The following MAP4K1 variants were observed in gnomAD, a reference collection of about 807,000 sequenced individuals.
MAP4K1 encodes the protein MAPK/ERK kinase kinase kinase 1.
A neutral mutation model predicts 122.8 loss-of-function variants in MAP4K1; 35 were observed. That is an observed-to-expected ratio of 0.29 (90% confidence interval 0.22 to 0.38). MAP4K1 has a LOEUF of 0.38. Ranked by LOEUF, MAP4K1 falls within the 10% of genes least tolerant of loss-of-function variation. The pLI, the probability that MAP4K1 is intolerant of heterozygous loss-of-function variation, is 1.00. For synonymous variants in MAP4K1, 412 were observed against 421.3 expected, an observed-to-expected ratio of 0.98 and a Z score of 0.27; for missense variants, 791 against 1,072.6, an observed-to-expected ratio of 0.74 and a Z score of 3.67.
intron 29 of MAP4K1, 30 bp downstream of exon 29, chr19:38,595,455 G>GTA (rs1460279621): frequency 6.2e-7 from 1 of 1,611,484 alleles, no homozygotes; most frequent in Non-Finnish European, 8.5e-7. Flanking sequence ...CTGGGGGGCA[G>GTA]TGATGTGGAG....
At chr19:38,608,254 T>TG (rs1975391263) in intron 13 of MAP4K1, 84 bp from the exon 14 acceptor site, 2 of 346,522 alleles carry the variant, frequency 5.8e-6, no homozygotes, top group African/African-American at 4.9e-5. Flanking sequence ...AGAGTAGAAT[T>TG]GGCGGGGGGG....
intron 30 of MAP4K1, among the ~76,000 whole-genome samples, chr19:38,590,134 A>T (rs553631532): frequency 6.6e-6 from 1 of 151,760 alleles, no homozygotes; most frequent in East Asian, 1.9e-4. Flanking sequence ...TAATGGGACA[A>T]ACTAGCATTG....
intron 19 of MAP4K1, among the ~76,000 whole-genome samples, chr19:38,604,244 G>A (rs911871264): frequency 1.3e-5 from 2 of 151,950 alleles, no homozygotes; most frequent in African/African-American, 4.8e-5. Flanking sequence ...ACGTGTGTAG[G>A]CATTATGCAT....
chr19:38,587,682 C>T lies in MAP4K1; in HGVS notation c.*66G>A. 1 of 1,251,970 alleles carries T rather than the reference C, an allele frequency of 8.0e-7. No homozygotes were observed. Among genetic ancestry groups the T allele is most frequent in the Non-Finnish European group, 1.2e-6 (1 of 852,126 alleles). 77.6% of individuals were successfully genotyped at this position (1,251,970 alleles called of 1,614,324 possible). A position where few individuals can be genotyped will look rare whatever the true frequency, so the allele number is the denominator to read the frequency against. On this transcript the variant is annotated 3_prime_UTR_variant, in exon 31 of 31. Transcript: ENST00000396857. ...TGTTTATTGGGAGATGAGGACATGC[C>T]ATGACCACTAGTGTGTCTATGGGGG... is the stretch of plus-strand genomic sequence containing the variant.
At position 38,614,232 on chromosome 19, in the gene MAP4K1, A is replaced by G. The variant is rs1376857506; in HGVS notation, c.417+13T>C. 5 of 1,611,702 alleles carry G rather than the reference A, an allele frequency of 3.1e-6. No homozygotes were observed. The South Asian group carries it at 5.5e-5, about 18-fold the overall frequency. ...CCCCACCCCCCAACAGCACCCCTAC[A>G]CCCCCAGACCACCTTGATGTCCCTG... is the stretch of plus-strand genomic sequence containing the variant. On this transcript the variant is annotated intron_variant, in intron 6 of 30. Transcript: ENST00000396857.
chr19:38,600,620 C>T (rs753032662), intron 20 of MAP4K1, among the ~76,000 whole-genome samples: 1 of 151,978 alleles, frequency 6.6e-6, no homozygotes, highest in Non-Finnish European at 1.5e-5. Context: ...CCCTTTCTGG[C>T]TGCATCCTAA....
chr19:38,602,821 T>A (rs768751493), intron 19 of MAP4K1, among the ~76,000 whole-genome samples: 2 of 149,140 alleles, frequency 1.3e-5, no homozygotes, highest in African/African-American at 4.9e-5. Flanking sequence ...TATATACACA[T>A]GTACATATAT....
chr19:38,602,266 G>A (rs2144715407), intron 19 of MAP4K1, among the ~76,000 whole-genome samples: 1 of 151,082 alleles, frequency 6.6e-6, no homozygotes, highest in Admixed American at 6.6e-5. Context: ...GTAGAGACAG[G>A]GTTTCGCCAT....
intron 8 of MAP4K1, 136 bp from the exon 9 acceptor site, chr19:38,612,878 G>A: frequency 1.1e-6 from 1 of 899,664 alleles, no homozygotes; most frequent in Non-Finnish European, 1.7e-6. Flanking sequence ...CAGGAGTAAA[G>A]ACAGACACAG....
chr19:38,596,291 G>T (rs1311067156), intron 26 of MAP4K1, 21 bp downstream of exon 26: 2 of 1,532,958 alleles, frequency 1.3e-6, no homozygotes, highest in South Asian at 2.5e-5. Flanking sequence ...CCCGCCCTCA[G>T]CAAGACTCCG....
At chr19:38,606,253 G>A (rs963028941) in intron 16 of MAP4K1, 38 bp from the exon 17 acceptor site, 4 of 1,122,100 alleles carry the variant, frequency 3.6e-6, no homozygotes, top group Admixed American at 5.0e-5. Flanking sequence ...TGGGGGGCTG[G>A]GGAACAAGGA....
chr19:38,600,179 G>C lies in MAP4K1; in HGVS notation c.1532-26C>G, dbSNP rs779525190. 4 of 1,607,294 alleles carry C rather than the reference G, an allele frequency of 2.5e-6. No homozygotes were observed. The Admixed American group carries it at 6.7e-5, about 27-fold the overall frequency. ...CTGGAGGCACAGACAAGGACGCTGG[G>C]ACCGACTTCATCCTCAGGGACCTCC... On this transcript the variant is annotated intron_variant, in intron 20 of 30. Transcript: ENST00000396857.
In MAP4K1 at chr19:38,596,345, C is replaced by T. The variant is rs564776236; in HGVS notation, c.2083G>A (p.Ala695Thr). 6.2e-7 allele frequency: 1 copy of T among 1,601,414 alleles called. No homozygotes were observed. The highest frequency in any genetic ancestry group is 8.5e-7 in the Non-Finnish European group (1 of 1,175,248). Residue 695 changes from alanine to threonine, a missense_variant, in exon 26 of 31, where the codon GCG becomes ACG. Physicochemically the swap from Ala to Thr is moderately conservative, Grantham distance 58. Transcript: ENST00000396857. Reference sequence around the variant, plus strand: ...ATCTCGCCCAGCCAGCAAGAGAGCGCGCCAAAGCGCACCGTGTGGAAGAGC... The same window carrying T: ...ATCTCGCCCAGCCAGCAAGAGAGCGTGCCAAAGCGCACCGTGTGGAAGAGC... Reference protein sequence around the residue: ...SVLFHTVRFGALSCWLGEMST... With the variant: ...SVLFHTVRFGTLSCWLGEMST...
At chr19:38,594,991 A>C (rs1394206757) in intron 29 of MAP4K1, among the ~76,000 whole-genome samples, 2 of 151,204 alleles carry the variant, frequency 1.3e-5, no homozygotes, top group Non-Finnish European at 2.9e-5. Flanking sequence ...CTATCTATCT[A>C]TCTATAAAAT....
intron 19 of MAP4K1, among the ~76,000 whole-genome samples, chr19:38,602,125 G>A (rs1393945775): frequency 1.3e-5 from 2 of 152,100 alleles, no homozygotes; most frequent in Non-Finnish European, 2.9e-5. Flanking sequence ...GCCCAGGCTG[G>A]AGTGCAGTGA....
At chr19:38,598,969 C>A (rs1345735256) in intron 22 of MAP4K1, among the ~76,000 whole-genome samples, 1 of 144,004 alleles carries the variant, frequency 6.9e-6, no homozygotes, top group Admixed American at 7.2e-5. Context: ...GCCGAGACTG[C>A]GCCACTGCAC....
chr19:38,616,757 A>T (rs1242613513), intron 3 of MAP4K1, among the ~76,000 whole-genome samples: 5 of 152,204 alleles, frequency 3.3e-5, no homozygotes, highest in African/African-American at 1.2e-4. Context: ...TTTCAAATTC[A>T]GTTACTATGA....
chr19:38,589,847 T>C (rs531495257), intron 30 of MAP4K1, among the ~76,000 whole-genome samples: 1 of 152,056 alleles, frequency 6.6e-6, no homozygotes, highest in South Asian at 2.1e-4. Flanking sequence ...CTAAGTAACA[T>C]GGCGAAACCC....
intron 19 of MAP4K1, among the ~76,000 whole-genome samples, chr19:38,604,550 G>A (rs1975265442): frequency 6.6e-6 from 1 of 152,008 alleles, no homozygotes; most frequent in African/African-American, 2.4e-5. Flanking sequence ...CAGCACTTTG[G>A]GAGGCCGAGG....
Sources: gnomAD v4.1 joint callset for allele counts (sites outside exome capture counted in the v4.1 genomes callset) on GRCh38, gnomAD v4.1.1 for gene constraint, MANE v1.5 for transcripts, NCBI Gene and HGNC (gene_info 2026-07-23, HGNC 2026-07-21) for gene names.